Variants in DOCK1 observed in about 807,000 individuals in gnomAD.
DOCK1 encodes the protein dedicator of cytokinesis protein 1.
Under a neutral mutation model 262.7 loss-of-function variants are expected in DOCK1, and 138 were observed. That is an observed-to-expected ratio of 0.53 (90% CI 0.46 to 0.61). The LOEUF is 0.61. DOCK1 is among the 20% of genes least tolerant of loss of function. DOCK1 has a pLI of 0.00. For synonymous variants in DOCK1, 866 were observed against 867.4 expected (o/e 1.00, Z 0.03); for missense variants, 1,908 against 2,370.7 (o/e 0.80, Z 4.05).
chr10:127,019,668 G>A (rs570954292), intron 13 of DOCK1, among the ~76,000 whole-genome samples: 1 of 152,196 alleles, frequency 6.6e-6, no homozygotes, highest in Non-Finnish European at 1.5e-5. Context: ...GGAATCACTT[G>A]AACCTGGGAG....
chr10:126,911,890 C>T (rs1385444634), intron 1 of DOCK1, among the ~76,000 whole-genome samples: 1 of 152,160 alleles, frequency 6.6e-6, no homozygotes. Context: ...TTGGAGCTGA[C>T]GTTGAAATCA....
intron 27 of DOCK1, among the ~76,000 whole-genome samples, chr10:127,165,601 A>C (rs143071746): frequency 6.6e-6 from 1 of 152,260 alleles, no homozygotes; most frequent in East Asian, 1.9e-4. Flanking sequence ...CATTGCAAAC[A>C]ATGCAGTATC....
At chr10:126,929,442 G>A (rs1374936586) in intron 1 of DOCK1, among the ~76,000 whole-genome samples, 1 of 152,148 alleles carries the variant, frequency 6.6e-6, no homozygotes. Flanking sequence ...GCTTCAGAGT[G>A]TTTGCTGTTG....
At chr10:127,188,786 C>A (rs1022935938) in intron 27 of DOCK1, among the ~76,000 whole-genome samples, 6 of 152,354 alleles carry the variant, frequency 3.9e-5, no homozygotes, top group African/African-American at 1.4e-4. Context: ...AGGTACCGTT[C>A]TGTGCTTTGT....
At chr10:127,395,783 T>C (rs993402112) in intron 38 of DOCK1, among the ~76,000 whole-genome samples, 5 of 139,788 alleles carry the variant, frequency 3.6e-5, no homozygotes, top group Non-Finnish European at 8.3e-5. Flanking sequence ...AGTTAGCAGA[T>C]TCCACAGTGT....
In DOCK1 at chr10:127,451,609, G is replaced by T. The variant is rs2070977173; in HGVS notation, c.*182G>T. 2 of 1,415,574 alleles carry T rather than the reference G, an allele frequency of 1.4e-6. No homozygotes were observed. Among genetic ancestry groups the T allele is most frequent in the Non-Finnish European group, 1.9e-6 (2 of 1,073,074 alleles). 87.7% of individuals were successfully genotyped at this position (1,415,574 alleles called of 1,614,324 possible). Reference sequence around the variant, plus strand: ...AGTGAGTGGCCTTTAGCGTCATGGAGCAAGGTGGGTCTGGGAGGTAGATAT... The same window carrying T: ...AGTGAGTGGCCTTTAGCGTCATGGATCAAGGTGGGTCTGGGAGGTAGATAT... On this transcript the variant is annotated 3_prime_UTR_variant, in exon 52 of 52. Coordinates refer to ENST00000623213, the MANE Select transcript of DOCK1 (RefSeq NM_001290223.2).
chr10:127,179,381 A>G (rs543992945), intron 27 of DOCK1, among the ~76,000 whole-genome samples: 1 of 152,344 alleles, frequency 6.6e-6, no homozygotes, highest in African/African-American at 2.4e-5. Context: ...TAAAAAAATG[A>G]TGGTAATACT....
At chr10:127,240,206 T>TTAC (rs1029291413) in intron 27 of DOCK1, among the ~76,000 whole-genome samples, 5 of 151,656 alleles carry the variant, frequency 3.3e-5, no homozygotes, top group Non-Finnish European at 5.9e-5. Context: ...ATTTTGTTGT[T>TTAC]AGTAGTTCCA....
chr10:127,038,631 C>T (rs905157558), intron 19 of DOCK1, among the ~76,000 whole-genome samples: 1 of 152,124 alleles, frequency 6.6e-6, no homozygotes, highest in African/African-American at 2.4e-5. Context: ...TTGCCTGGGC[C>T]GTCTTCTTCC....
intron 29 of DOCK1, among the ~76,000 whole-genome samples, chr10:127,305,819 G>A (rs1031718286): frequency 6.6e-6 from 1 of 152,162 alleles, no homozygotes; most frequent in Non-Finnish European, 1.5e-5. Flanking sequence ...TTCAGAAGTA[G>A]TTTTTCGTTT....
At chr10:127,231,106 A>C (rs916200804) in intron 27 of DOCK1, among the ~76,000 whole-genome samples, 2 of 152,152 alleles carry the variant, frequency 1.3e-5, no homozygotes, top group Non-Finnish European at 2.9e-5. Flanking sequence ...TGCAACTTTC[A>C]TTAAACAACC....
intron 1 of DOCK1, among the ~76,000 whole-genome samples, chr10:126,949,181 G>A (rs1479016605): frequency 2.0e-5 from 3 of 152,042 alleles, no homozygotes; most frequent in Non-Finnish European, 2.9e-5. Context: ...ATTGATTCCC[G>A]AAGGTGTTTA....
At chr10:127,229,534 G>C (rs922206895) in intron 27 of DOCK1, among the ~76,000 whole-genome samples, 5 of 151,984 alleles carry the variant, frequency 3.3e-5, no homozygotes, top group African/African-American at 1.2e-4. Context: ...TGCCCTCCAG[G>C]TCCATCTATG....
intron 27 of DOCK1, among the ~76,000 whole-genome samples, chr10:127,143,194 CA>C (rs2051442558): frequency 6.6e-6 from 1 of 152,202 alleles, no homozygotes; most frequent in Non-Finnish European, 1.5e-5. Flanking sequence ...TTGCCTTCTG[CA>C]GTCGTCCATG....
intron 28 of DOCK1, among the ~76,000 whole-genome samples, chr10:127,251,435 G>T (rs2059638111): frequency 2.0e-5 from 3 of 151,142 alleles, no homozygotes; most frequent in African/African-American, 7.3e-5. Flanking sequence ...CAATGTGCAG[G>T]TTAGTTACAT....
rs879722741 is a variant in DOCK1 at position 127,335,551 on chromosome 10, AT to A, written c.3045-3441del. On this transcript the variant is annotated intron_variant, in intron 29 of 51. Transcript: ENST00000623213. ...ACTTATGAATTACAGTAACTAATAG[AT>A]TTTTTTTTTTTTTGAGATGGAGTCT... is the stretch of plus-strand genomic sequence containing the variant. Among the ~76,000 whole-genome samples, 683 of 132,964 alleles carry A rather than the reference AT, an allele frequency of 5.1e-3. 2 individuals are homozygous for A. The highest frequency in any genetic ancestry group is 0.014 in the East Asian group (57 of 4,086). 87.2% of individuals were successfully genotyped at this position (132,964 alleles called of 152,430 possible). A position where few individuals can be genotyped will look rare whatever the true frequency, so the allele number is the denominator to read the frequency against.
At chr10:127,179,097 C>G (rs1020897915) in intron 27 of DOCK1, among the ~76,000 whole-genome samples, 5 of 152,208 alleles carry the variant, frequency 3.3e-5, no homozygotes, top group African/African-American at 7.2e-5. Flanking sequence ...AGTAATTTAT[C>G]AGCCTTTTCC....
chr10:127,267,451 G>A (rs187612266), intron 29 of DOCK1, among the ~76,000 whole-genome samples: 58 of 152,226 alleles, frequency 3.8e-4, no homozygotes, highest in Middle Eastern at 3.4e-3. Context: ...AAACTGTGTC[G>A]TCTTATTCAG....
intron 46 of DOCK1, among the ~76,000 whole-genome samples, chr10:127,423,500 G>A (rs1456103544): frequency 6.6e-6 from 1 of 152,142 alleles, no homozygotes; most frequent in Non-Finnish European, 1.5e-5. Flanking sequence ...GTTTGCGGCT[G>A]GCACCAGGTC....
Sources: gnomAD v4.1 joint callset for allele counts (sites outside exome capture counted in the v4.1 genomes callset) on GRCh38, gnomAD v4.1.1 for gene constraint, MANE v1.5 for transcripts, NCBI Gene and HGNC (gene_info 2026-07-23, HGNC 2026-07-21) for gene names.